Variants in GRM8 observed in about 807,000 individuals in gnomAD.
The protein encoded by GRM8 is glutamate metabotropic receptor 8, also known as metabotropic glutamate receptor 8.
GRM8 carries 47 observed loss-of-function variants against 87.2 expected under a neutral mutation model. That is an observed-to-expected ratio of 0.54 (90% confidence interval 0.43 to 0.69). The LOEUF is 0.69. Among genes scored for constraint, GRM8 ranks in the 30% least tolerant of loss-of-function variants. The probability of loss-of-function intolerance (pLI) is 0.00; values close to 1 mark genes in which losing one functional copy is unlikely to be tolerated. For missense variants in GRM8, 1,019 were observed against 1,139.2 expected (o/e 0.89, Z 1.52); for synonymous variants, 396 against 404.5 (o/e 0.98, Z 0.25).
intron 2 of GRM8, among the ~76,000 whole-genome samples, chr7:127,176,739 A>T (rs138386255): frequency 4.6e-5 from 7 of 152,182 alleles, no homozygotes; most frequent in African/African-American, 1.7e-4. Context: ...CAGACCCTCA[A>T]TGGAGAAGCT....
At chr7:126,506,857 T>A (rs1810553349) in intron 9 of GRM8, among the ~76,000 whole-genome samples, 1 of 151,950 alleles carries the variant, frequency 6.6e-6, no homozygotes, top group Non-Finnish European at 1.5e-5. Context: ...GGCAACAGGA[T>A]ATGTATGTAA....
At chr7:126,881,109 A>G (rs948448942) in intron 6 of GRM8, among the ~76,000 whole-genome samples, 1 of 152,206 alleles carries the variant, frequency 6.6e-6, no homozygotes, top group African/African-American at 2.4e-5. Context: ...TGGCCTCTGT[A>G]TTAGTCAGGG....
At chr7:127,192,885 T>C (rs563921079) in intron 2 of GRM8, among the ~76,000 whole-genome samples, 2 of 152,168 alleles carry the variant, frequency 1.3e-5, no homozygotes, top group Non-Finnish European at 2.9e-5. Context: ...CTGACCTATT[T>C]ATCCCCTTCC....
chr7:126,976,808 G>A (rs546370774), intron 3 of GRM8, among the ~76,000 whole-genome samples: 9 of 152,072 alleles, frequency 5.9e-5, no homozygotes, highest in African/African-American at 9.6e-5. Context: ...AGTATCTGTC[G>A]ACTTGAAGGA....
At chr7:126,864,635 C>T (rs1398629410) in intron 6 of GRM8, among the ~76,000 whole-genome samples, 1 of 151,930 alleles carries the variant, frequency 6.6e-6, no homozygotes, top group Non-Finnish European at 1.5e-5. Flanking sequence ...AAGTCTATAC[C>T]TTTTAAGATA....
intron 2 of GRM8, among the ~76,000 whole-genome samples, chr7:127,139,156 C>G (rs1828115070): frequency 6.6e-6 from 1 of 152,114 alleles, no homozygotes; most frequent in Non-Finnish European, 1.5e-5. Flanking sequence ...ATTGGGTGGA[C>G]AGTGGAAAGA....
intron 8 of GRM8, among the ~76,000 whole-genome samples, chr7:126,561,255 G>A (rs761225149): frequency 1.3e-5 from 2 of 152,092 alleles, no homozygotes; most frequent in Non-Finnish European, 2.9e-5. Context: ...GGCGGATCAC[G>A]AGGTCAGGAG....
rs181750188 is a variant in GRM8 at position 127,102,554 on chromosome 7, G to A, written c.727+3942C>T. 3.3e-4 allele frequency among the ~76,000 whole-genome samples: 50 copies of A among 152,320 alleles called. 1 individual carries two copies. The highest frequency in any genetic ancestry group is 3.0e-3 in the Admixed American group (46 of 15,300). ...ACTCTAGCTCTAGCCTTGGCTCAGA[G>A]GGCCCCAGATATTGCTCATGCCACT... On this transcript the variant is annotated intron_variant, in intron 3 of 10. Coordinates refer to ENST00000339582, the MANE Select transcript of GRM8 (RefSeq NM_000845.3).
intron 2 of GRM8, among the ~76,000 whole-genome samples, chr7:127,124,702 C>G (rs1587084003): frequency 6.6e-6 from 1 of 152,200 alleles, no homozygotes; most frequent in African/African-American, 2.4e-5. Flanking sequence ...TTAAATTTAC[C>G]TTAAATTCAA....
intron 3 of GRM8, among the ~76,000 whole-genome samples, chr7:126,926,104 C>T (rs1174535528): frequency 6.6e-6 from 1 of 151,956 alleles, no homozygotes; most frequent in Non-Finnish European, 1.5e-5. Flanking sequence ...TTAACGTTCT[C>T]CTAATGTAAT....
intron 2 of GRM8, among the ~76,000 whole-genome samples, chr7:127,219,137 C>T (rs951590758): frequency 1.6e-5 from 2 of 125,872 alleles, no homozygotes; most frequent in Admixed American, 8.9e-5. Context: ...TTTCCAAGTG[C>T]CCTCTTGACA....
intron 3 of GRM8, among the ~76,000 whole-genome samples, chr7:126,927,193 T>C (rs1805227440): frequency 6.6e-6 from 1 of 152,218 alleles, no homozygotes; most frequent in African/African-American, 2.4e-5. Context: ...TAGAACGCAG[T>C]GGTGCTTTCA....
intron 3 of GRM8, among the ~76,000 whole-genome samples, chr7:126,976,525 C>T (rs945278556): frequency 2.6e-5 from 4 of 151,988 alleles, no homozygotes; most frequent in African/African-American, 9.7e-5. Context: ...ACCTAGGAGG[C>T]GGAGCTTGCA....
At chr7:126,832,785 C>T (rs777909313) in intron 6 of GRM8, among the ~76,000 whole-genome samples, 1 of 152,148 alleles carries the variant, frequency 6.6e-6, no homozygotes, top group Non-Finnish European at 1.5e-5. Context: ...TTTTCTAAAG[C>T]ATTTTGCAGT....
chr7:127,094,579 GGA>G (rs1023232008), intron 3 of GRM8, among the ~76,000 whole-genome samples: 68 of 152,306 alleles, frequency 4.5e-4, no homozygotes, highest in Admixed American at 4.1e-3. Flanking sequence ...CAAGAAGCAA[GGA>G]CAGAGGCTGG....
rs532429467 is a variant in GRM8, at chr7:126,945,410, T to G, written c.728-40727A>C. On this transcript the variant is annotated intron_variant, in intron 3 of 10. Transcript: ENST00000339582. Reference sequence around the variant, plus strand: ...GTTGAGCATCCCTAATCTGAAAGTTTGAAATCCAAAATTCTCCAAAATTCA... The same window carrying G: ...GTTGAGCATCCCTAATCTGAAAGTTGGAAATCCAAAATTCTCCAAAATTCA... Among the ~76,000 whole-genome samples, 9 of 152,332 alleles carry G rather than the reference T, an allele frequency of 5.9e-5. No homozygotes were observed. In the East Asian group the frequency reaches 1.7e-3, roughly 29 times the overall value.
At chr7:126,645,652 G>A (rs969542163) in intron 7 of GRM8, among the ~76,000 whole-genome samples, 13 of 152,216 alleles carry the variant, frequency 8.5e-5, no homozygotes, top group Non-Finnish European at 1.6e-4. Flanking sequence ...AGAACCCATT[G>A]AGTGACCACA....
chr7:126,753,316 T>C (rs747506387), intron 7 of GRM8, among the ~76,000 whole-genome samples: 1 of 151,812 alleles, frequency 6.6e-6, no homozygotes, highest in Non-Finnish European at 1.5e-5. Context: ...AATGGCATAA[T>C]AACACTCTTA....
At chr7:126,913,051 C>T (rs1803486043) in intron 3 of GRM8, among the ~76,000 whole-genome samples, 1 of 152,052 alleles carries the variant, frequency 6.6e-6, no homozygotes, top group Admixed American at 6.6e-5. Flanking sequence ...TTAGTTGTTG[C>T]TCATTTATAA....
Sources: gnomAD v4.1 joint callset for allele counts (sites outside exome capture counted in the v4.1 genomes callset) on GRCh38, gnomAD v4.1.1 for gene constraint, MANE v1.5 for transcripts, NCBI Gene and HGNC (gene_info 2026-07-23, HGNC 2026-07-21) for gene names.